NCOA2: variants seen among roughly 807,000 people sequenced by gnomAD.
The protein encoded by NCOA2 is class E basic helix-loop-helix protein 75.
Under a neutral mutation model 145.1 loss-of-function variants are expected in NCOA2, and 21 were observed. The observed-to-expected ratio is 0.14, with a 90% CI of 0.10 to 0.21. The LOEUF is 0.21. Ranked by LOEUF, NCOA2 falls within the 10% of genes least tolerant of loss-of-function variation. NCOA2 has a pLI of 1.00. For synonymous variants in NCOA2, 619 were observed against 637.5 expected, an observed-to-expected ratio of 0.97 and a Z score of 0.44; for missense variants, 1,472 against 1,837.6, an observed-to-expected ratio of 0.80 and a Z score of 3.64.
chr8:70,203,805 G>C lies in NCOA2; in HGVS notation c.259+10098C>G, dbSNP rs79073367. 9.7e-3 allele frequency among the ~76,000 whole-genome samples: 1,482 copies of C among 152,256 alleles called. 20 individuals carry two copies. Among genetic ancestry groups the C allele is most frequent in the African/African-American group, 0.034 (1,411 of 41,532 alleles). On this transcript the variant is annotated intron_variant, in intron 4 of 22. Coordinates refer to ENST00000452400, the MANE Select transcript of NCOA2 (RefSeq NM_006540.4). ...AATTAAATGTAAACATCAGCTCACA[G>C]AAATTTAAATGTACTCGGCAAATTC... is the stretch of plus-strand genomic sequence containing the variant.
chr8:70,406,589 C>T (rs763699471), upstream of NCOA2, among the ~76,000 whole-genome samples: 3 of 151,930 alleles, frequency 2.0e-5, no homozygotes, highest in Non-Finnish European at 4.4e-5. Context: ...AATAACATAC[C>T]GTGAATGGAT....
At chr8:70,391,123 A>G (rs1563838375) in intron 1 of NCOA2, among the ~76,000 whole-genome samples, 1 of 152,254 alleles carries the variant, frequency 6.6e-6, no homozygotes, top group Non-Finnish European at 1.5e-5. Flanking sequence ...GACATTGCAA[A>G]GAAAAACAGA....
chr8:70,310,893 A>G (rs998892492), intron 1 of NCOA2, among the ~76,000 whole-genome samples: 5 of 152,240 alleles, frequency 3.3e-5, no homozygotes, highest in South Asian at 4.1e-4. Context: ...CAAATTTCAT[A>G]CAATGCCAAA....
chr8:70,424,683 G>T, the NCOA2 span: 1 of 277,278 alleles, frequency 3.6e-6, no homozygotes, highest in African/African-American at 2.2e-5. Context: ...CGTGATCCCC[G>T]TCCTAACTAC....
intron 4 of NCOA2, among the ~76,000 whole-genome samples, chr8:70,178,006 G>A (rs748196622): frequency 1.3e-5 from 2 of 152,178 alleles, no homozygotes; most frequent in Non-Finnish European, 2.9e-5. Flanking sequence ...AGTAGGCCTT[G>A]TGAGATGTTT....
At chr8:70,193,057 ACT>A (rs1260565655) in intron 4 of NCOA2, among the ~76,000 whole-genome samples, 1 of 112,908 alleles carries the variant, frequency 8.9e-6, no homozygotes, top group East Asian at 2.3e-4. Flanking sequence ...ACAGAGCGAG[ACT>A]CTATTAAAAA....
At chr8:70,310,957 T>G (rs1159058683) in intron 1 of NCOA2, among the ~76,000 whole-genome samples, 2 of 152,060 alleles carry the variant, frequency 1.3e-5, no homozygotes, top group Non-Finnish European at 2.9e-5. Flanking sequence ...TAAAAGAAAA[T>G]GTCTGATATC....
At chr8:70,377,275 A>C (rs1448181187) in intron 1 of NCOA2, among the ~76,000 whole-genome samples, 1 of 152,120 alleles carries the variant, frequency 6.6e-6, no homozygotes. Context: ...TTAAAAACTT[A>C]TATTTCCTAT....
At chr8:70,330,873 C>G (rs1807035515) in intron 1 of NCOA2, among the ~76,000 whole-genome samples, 1 of 152,084 alleles carries the variant, frequency 6.6e-6, no homozygotes, top group Non-Finnish European at 1.5e-5. Context: ...ATTCTAACAC[C>G]TACGAGCTGG....
intron 15 of NCOA2, among the ~76,000 whole-genome samples, chr8:70,133,475 T>G (rs1809392071): frequency 6.6e-6 from 1 of 152,028 alleles, no homozygotes; most frequent in African/African-American, 2.4e-5. Context: ...TCCTCCCACC[T>G]TGGCCTCCCA....
chr8:70,435,449 AAAAAG>A, the NCOA2 span, among the ~76,000 whole-genome samples: 1 of 147,900 alleles, frequency 6.8e-6, no homozygotes, highest in Non-Finnish European at 1.5e-5. Context: ...AAAAAAAAAA[AAAAAG>A]AATACACACT....
intron 1 of NCOA2, among the ~76,000 whole-genome samples, chr8:70,357,757 G>A (rs1586586323): frequency 6.6e-6 from 1 of 150,794 alleles, no homozygotes; most frequent in Non-Finnish European, 1.5e-5. Flanking sequence ...AAAAAGCGCG[G>A]TGGGGGGAAG....
chr8:70,262,395 T>C (rs1217310242), intron 2 of NCOA2, among the ~76,000 whole-genome samples: 1 of 152,134 alleles, frequency 6.6e-6, no homozygotes, highest in Admixed American at 6.5e-5. Context: ...CCTACAGGAG[T>C]TACCATATGG....
intron 2 of NCOA2, among the ~76,000 whole-genome samples, chr8:70,258,357 C>T (rs921521441): frequency 6.6e-6 from 1 of 152,176 alleles, no homozygotes; most frequent in African/African-American, 2.4e-5. Context: ...CAGGATATCA[C>T]CTTAGCTACT....
intron 1 of NCOA2, among the ~76,000 whole-genome samples, chr8:70,357,731 A>T (rs139394137): frequency 6.6e-6 from 1 of 151,000 alleles, no homozygotes; most frequent in Non-Finnish European, 1.5e-5. Flanking sequence ...CGACAGAGCA[A>T]GACTCCATCT....
At chr8:70,219,708 C>T (rs1819976975) in intron 2 of NCOA2, among the ~76,000 whole-genome samples, 1 of 152,168 alleles carries the variant, frequency 6.6e-6, no homozygotes. Flanking sequence ...CAGACAGCTG[C>T]AGTCTTAGAG....
At chr8:70,132,124 C>T in intron 15 of NCOA2, 122 bp from the exon 16 acceptor site, 2 of 949,314 alleles carry the variant, frequency 2.1e-6, no homozygotes, top group Non-Finnish European at 3.1e-6. Context: ...AACTACTGTA[C>T]CAACTCAACA....
At chr8:70,441,425 G>T in the NCOA2 span, among the ~76,000 whole-genome samples, 1 of 143,308 alleles carries the variant, frequency 7.0e-6, no homozygotes, top group South Asian at 2.2e-4. Flanking sequence ...AAAACAAAGA[G>T]GGAGAAGAGA....
At chr8:70,414,348 T>C in the NCOA2 span, among the ~76,000 whole-genome samples, 1 of 152,286 alleles carries the variant, frequency 6.6e-6, no homozygotes, top group South Asian at 2.1e-4. Context: ...CAGCTGTTTC[T>C]CTCCCTTTTT....
Sources: allele counts gnomAD v4.1 joint callset (sites outside exome capture counted in the v4.1 genomes callset), GRCh38; gene constraint gnomAD v4.1.1; transcripts MANE v1.5; gene names NCBI Gene and HGNC (gene_info 2026-07-23, HGNC 2026-07-21).